CFAP54: variants seen among roughly 807,000 people sequenced by gnomAD.
CFAP54 encodes cilia and flagella associated protein 54.
Under a neutral mutation model 370.4 loss-of-function variants are expected in CFAP54, and 290 were observed. That is an observed-to-expected ratio of 0.78 (90% CI 0.71 to 0.86). CFAP54 has a LOEUF of 0.86. CFAP54 is among the 40% of genes least tolerant of loss of function. The pLI is 0.00. For synonymous variants in CFAP54, 1,206 were observed against 1,236.5 expected (o/e 0.98, Z 0.52); for missense variants, 3,399 against 3,528.7 (o/e 0.96, Z 0.93).
chr12:96,512,888 CTTGTT>C (rs1420018272), intron 4 of CFAP54, 93 bp from the exon 5 acceptor site: 1 of 636,346 alleles, frequency 1.6e-6, no homozygotes, highest in East Asian at 3.3e-5. Flanking sequence ...CATAAGATCA[CTTGTT>C]TTGGGAACTA....
At chr12:96,849,841 A>G (rs1009568262) in intron 66 of CFAP54, among the ~76,000 whole-genome samples, 1 of 152,096 alleles carries the variant, frequency 6.6e-6, no homozygotes, top group African/African-American at 2.4e-5. Flanking sequence ...TCTTTCAAAT[A>G]GCTCCTTCAA....
rs550274895 is a variant in CFAP54, at chr12:96,834,952, G to A, written c.9171+5864G>A. Among the ~76,000 whole-genome samples, 25 of 152,252 alleles carry A rather than the reference G, an allele frequency of 1.6e-4. No homozygotes were observed. The East Asian group carries it at 2.3e-3, about 14-fold the overall frequency. On this transcript the variant is annotated intron_variant, in intron 66 of 67. Transcript: ENST00000524981. ...GCAGGTAGCTCCTTTCTGCAGCCAG[G>A]GTGTCCCAATGAGTGTTTAGCTCCT...
intron 22 of CFAP54, among the ~76,000 whole-genome samples, chr12:96,584,820 C>G (rs1050891303): frequency 6.6e-6 from 1 of 152,106 alleles, no homozygotes; most frequent in Non-Finnish European, 1.5e-5. Context: ...TCTGGTTCAC[C>G]CTGTGCGTCT....
chr12:96,641,414 A>G (rs962343375), intron 32 of CFAP54, among the ~76,000 whole-genome samples: 4 of 152,208 alleles, frequency 2.6e-5, no homozygotes, highest in African/African-American at 9.7e-5. Context: ...CGATCATTAA[A>G]AAGTCAGGAA....
intron 55 of CFAP54, among the ~76,000 whole-genome samples, chr12:96,747,625 G>A (rs1039053936): frequency 9.2e-5 from 14 of 152,160 alleles, no homozygotes; most frequent in Non-Finnish European, 1.6e-4. Flanking sequence ...ATTAGAAATA[G>A]GAAACTGCAG....
chr12:96,861,976 G>A (rs985600669), intron 67 of CFAP54, among the ~76,000 whole-genome samples: 1 of 152,048 alleles, frequency 6.6e-6, no homozygotes, highest in Admixed American at 6.6e-5. Flanking sequence ...TTGGTTTAAT[G>A]TATCATCCTC....
intron 1 of CFAP54, among the ~76,000 whole-genome samples, chr12:96,500,351 ACT>A (rs1396516279): frequency 6.6e-6 from 1 of 152,140 alleles, no homozygotes; most frequent in Non-Finnish European, 1.5e-5. Flanking sequence ...TAGTGAATCT[ACT>A]CTCTGATATT....
At position 96,623,791 on chromosome 12, in the gene CFAP54, A is replaced by G; in HGVS notation, c.3796A>G (p.Thr1266Ala). The G allele has an allele frequency of 6.5e-7, 1 of 1,534,272 alleles. No individual in the cohort carries two copies. Among genetic ancestry groups the G allele is most frequent in the Non-Finnish European group, 8.7e-7 (1 of 1,145,556 alleles). The stretch of plus-strand genomic sequence containing the variant: ...GGATTCTTCTAAGAAGTCTTTAAAG[A>G]CTAAGAAGCCACAGCAGATACTACT... Reference protein sequence around the residue: ...EEDSSKKSLKTKKPQQILLPE... With the variant: ...EEDSSKKSLKAKKPQQILLPE... The change falls in exon 28 of 68, where the codon ACT becomes GCT. Residue 1266 changes from threonine to alanine, a missense_variant. Transcript: ENST00000524981.
chr12:96,728,510 C>G (rs143876018), intron 50 of CFAP54, among the ~76,000 whole-genome samples: 2,282 of 152,310 alleles, frequency 0.015, 73 homozygotes, highest in African/African-American at 0.053. Flanking sequence ...GTTCTCGACC[C>G]TTGGCTTTCA....
chr12:96,862,024 T>TA (rs199630049), intron 67 of CFAP54, among the ~76,000 whole-genome samples: 71 of 151,490 alleles, frequency 4.7e-4, no homozygotes, highest in Non-Finnish European at 3.4e-4. Context: ...AAGGCCTTTT[T>TA]AAAAAAAAAT....
At chr12:96,618,678 A>G (rs1437800831) in intron 26 of CFAP54, among the ~76,000 whole-genome samples, 3 of 152,202 alleles carry the variant, frequency 2.0e-5, no homozygotes, top group African/African-American at 7.2e-5. Context: ...TGGACTTCCA[A>G]CCAGCATTTG....
chr12:96,614,772 A>G (rs931108947), intron 26 of CFAP54, among the ~76,000 whole-genome samples: 1 of 152,250 alleles, frequency 6.6e-6, no homozygotes, highest in Non-Finnish European at 1.5e-5. Flanking sequence ...TGCTTCAAAG[A>G]GAATAAAATA....
chr12:96,658,948 T>C (rs1019276238), intron 38 of CFAP54, among the ~76,000 whole-genome samples: 1 of 152,196 alleles, frequency 6.6e-6, no homozygotes, highest in African/African-American at 2.4e-5. Context: ...ACAACATGAT[T>C]CTGACACCAG....
Position 96,764,267 on chromosome 12 carries a change from T to C in CFAP54, c.8139+18T>C. ...CTGCACAGGTTGGTGTGATTTTTGT[T>C]TAATCTTTCTTCTTACTGTCATATC... is the stretch of plus-strand genomic sequence containing the variant. On this transcript the variant is annotated intron_variant, in intron 59 of 67. Transcript: ENST00000524981. The C allele has an allele frequency of 1.3e-6, 2 of 1,557,392 alleles. No individual in the cohort carries two copies. The highest frequency in any genetic ancestry group is 1.8e-6 in the Non-Finnish European group (2 of 1,131,548).
intron 27 of CFAP54, among the ~76,000 whole-genome samples, chr12:96,622,773 T>A (rs1956513118): frequency 6.6e-6 from 1 of 152,242 alleles, no homozygotes; most frequent in Admixed American, 6.5e-5. Context: ...ATCTCTGTGA[T>A]ATCTTGAATT....
intron 50 of CFAP54, among the ~76,000 whole-genome samples, chr12:96,732,397 G>C (rs1018660947): frequency 2.0e-5 from 3 of 152,140 alleles, no homozygotes; most frequent in Admixed American, 6.5e-5. Flanking sequence ...CTCCCAAAGT[G>C]CTGGGATTAC....
intron 39 of CFAP54, among the ~76,000 whole-genome samples, chr12:96,664,755 C>CTATATA: frequency 1.3e-5 from 1 of 78,770 alleles, no homozygotes; most frequent in Non-Finnish European, 2.5e-5. Flanking sequence ...ATATATATAT[C>CTATATA]TATATATATC....
intron 39 of CFAP54, among the ~76,000 whole-genome samples, chr12:96,673,696 C>G (rs1382919000): frequency 6.6e-6 from 1 of 152,170 alleles, no homozygotes; most frequent in Non-Finnish European, 1.5e-5. Flanking sequence ...GTTTGCAATT[C>G]TTTTAAAAGA....
chr12:96,492,308 T>C (rs533413241), intron 1 of CFAP54, among the ~76,000 whole-genome samples: 31 of 152,230 alleles, frequency 2.0e-4, no homozygotes, highest in Non-Finnish European at 3.8e-4. Context: ...TGACCCTGCC[T>C]GCCTTTCTGA....
Sources: gnomAD v4.1 joint callset for allele counts (sites outside exome capture counted in the v4.1 genomes callset) on GRCh38, gnomAD v4.1.1 for gene constraint, MANE v1.5 for transcripts, NCBI Gene and HGNC (gene_info 2026-07-23, HGNC 2026-07-21) for gene names.